The following DEPDC5 variants were observed in gnomAD, a reference collection of about 807,000 sequenced individuals.
DEPDC5 encodes the protein GATOR1 complex protein DEPDC5.
A neutral mutation model predicts 217.3 loss-of-function variants in DEPDC5; 73 were observed. That is an observed-to-expected ratio of 0.34 (90% CI 0.28 to 0.41). The LOEUF is 0.41. Among genes scored for constraint, DEPDC5 ranks in the 10% least tolerant of loss-of-function variants. The probability of loss-of-function intolerance (pLI) is 1.00; values close to 1 mark genes in which losing one functional copy is unlikely to be tolerated. For missense variants in DEPDC5, 1,675 were observed against 2,070.1 expected (o/e 0.81, Z 3.70); for synonymous variants, 733 against 756.7 (o/e 0.97, Z 0.51).
At position 31,754,128 on chromosome 22, in the gene DEPDC5, G is replaced by T. The variant is rs377211255; in HGVS notation, c.-97G>T. 1.8e-4 allele frequency: 28 copies of T among 152,856 alleles called. No homozygotes were observed. The East Asian group carries it at 4.6e-3, about 25-fold the overall frequency. 9.5% of individuals were successfully genotyped at this position (152,856 alleles called of 1,614,324 possible). The stretch of plus-strand genomic sequence containing the variant: ...ACCTGGAGAGGGTCCAGCCCTCAGT[G>T]CCCCGGCCAGAGGCGGGAAGGGGCT... On this transcript the variant is annotated 5_prime_UTR_variant, in exon 1 of 43. Coordinates refer to ENST00000651528, the MANE Select transcript of DEPDC5 (RefSeq NM_001242896.3).
At chr22:31,763,807 A>G (rs1186156077) in intron 4 of DEPDC5, among the ~76,000 whole-genome samples, 3 of 152,134 alleles carry the variant, frequency 2.0e-5, no homozygotes, top group Non-Finnish European at 4.4e-5. Flanking sequence ...TACTCTGGTT[A>G]CGCTGCCTAT....
chr22:31,853,952 G>A (rs1323505950), intron 31 of DEPDC5, among the ~76,000 whole-genome samples: 1 of 152,234 alleles, frequency 6.6e-6, no homozygotes, highest in Non-Finnish European at 1.5e-5. Flanking sequence ...GCCTGCAGAG[G>A]CACGTGAAGG....
intron 8 of DEPDC5, among the ~76,000 whole-genome samples, chr22:31,782,990 A>G (rs1366739491): frequency 6.6e-6 from 1 of 152,162 alleles, no homozygotes; most frequent in Middle Eastern, 3.2e-3. Context: ...TCAGGAGGCA[A>G]AGGTGGTGAG....
chr22:31,773,905 C>T (rs566801993), intron 7 of DEPDC5, among the ~76,000 whole-genome samples: 81 of 152,168 alleles, frequency 5.3e-4, no homozygotes, highest in South Asian at 1.5e-3. Context: ...AACCCTGTCT[C>T]TACTAAAAAT....
intron 39 of DEPDC5, chr22:31,893,987 TTC>T (rs1344181748): frequency 1.0e-5 from 4 of 390,400 alleles, no homozygotes; most frequent in Admixed American, 4.7e-5. Context: ...GGCCAGATAA[TTC>T]TCTGTGGGGG....
intron 7 of DEPDC5, among the ~76,000 whole-genome samples, chr22:31,776,854 C>A (rs2083913235): frequency 6.6e-6 from 1 of 151,984 alleles, no homozygotes; most frequent in Non-Finnish European, 1.5e-5. Flanking sequence ...GGATTACAGG[C>A]ATGAGCCACT....
chr22:31,875,617 A>G (rs1602633651), intron 36 of DEPDC5: 1 of 148,284 alleles, frequency 6.7e-6, no homozygotes, highest in South Asian at 2.1e-4. Flanking sequence ...GAATAGTGGC[A>G]TATGTGGATT....
At chr22:31,889,056 C>T (rs1308307963) in intron 38 of DEPDC5, among the ~76,000 whole-genome samples, 1 of 152,176 alleles carries the variant, frequency 6.6e-6, no homozygotes, top group Non-Finnish European at 1.5e-5. Flanking sequence ...GAGTATCACT[C>T]CCCTACCTGG....
chr22:31,804,179 G>A lies in DEPDC5; in HGVS notation c.1099G>A (p.Val367Met). The change falls in exon 16 of 43, where the codon GTG (valine) becomes ATG (methionine). Residue 367 changes from valine (V) to methionine (M), a missense_variant. Physicochemically the swap from Val to Met is conservative, Grantham distance 21. Around this residue, in one of 11 missense-constraint regions of DEPDC5, gnomAD observed 628 missense variants for 762.1 expected, o/e 0.82. Coordinates refer to ENST00000651528, the MANE Select transcript of DEPDC5 (RefSeq NM_001242896.3). ...MIDNGIGVDLVCMGEQPLHAV... is the reference protein window; with the variant it reads ...MIDNGIGVDLMCMGEQPLHAV... Reference sequence around the variant, plus strand: ...TTTTTTAGGAATTGGTGTGGATTTGGTGTGCATGGGAGAGCAACCGTTACA... The same window carrying A: ...TTTTTTAGGAATTGGTGTGGATTTGATGTGCATGGGAGAGCAACCGTTACA... 6.2e-7 allele frequency: 1 copy of A among 1,614,060 alleles called. No individual in the cohort carries two copies. Among genetic ancestry groups the A allele is most frequent in the Non-Finnish European group, 8.5e-7 (1 of 1,180,002 alleles).
At chr22:31,875,421 C>T (rs1264094699) in intron 36 of DEPDC5, 4 of 152,262 alleles carry the variant, frequency 2.6e-5, no homozygotes, top group African/African-American at 9.7e-5. Context: ...CTTAGAATCC[C>T]GAAAGAATAC....
intron 39 of DEPDC5, among the ~76,000 whole-genome samples, chr22:31,896,752 C>G (rs1207188051): frequency 2.6e-5 from 4 of 152,122 alleles, no homozygotes; most frequent in Non-Finnish European, 5.9e-5. Context: ...GGTCATTTCC[C>G]CTCCTCCATC....
chr22:31,795,390 G>C (rs1437278273), intron 12 of DEPDC5, among the ~76,000 whole-genome samples: 1 of 150,518 alleles, frequency 6.6e-6, no homozygotes, highest in Non-Finnish European at 1.5e-5. Context: ...TTTTTTACAT[G>C]TTTTATTGTT....
At chr22:31,876,056 C>T (rs1443283166) in intron 36 of DEPDC5, 101 bp from the exon 37 acceptor site, 2 of 961,120 alleles carry the variant, frequency 2.1e-6, no homozygotes, top group Non-Finnish European at 3.2e-6. Context: ...GTAGGGTCTC[C>T]TCAGTGCTCC....
chr22:31,804,254 G>A (rs763682653), intron 16 of DEPDC5, 31 bp downstream of exon 16: 8 of 1,607,834 alleles, frequency 5.0e-6, no homozygotes, highest in Admixed American at 1.7e-5. Flanking sequence ...TTTACTAAAG[G>A]CCAGTTGGAG....
Position 31,792,020 on chromosome 22 carries a change from T to C in DEPDC5, c.625-13T>C. On this transcript the variant is annotated splice_polypyrimidine_tract_variant and intron_variant, in intron 10 of 42. Transcript: ENST00000651528. Reference sequence around the variant, plus strand: ...AACAAACTTCAACCCTGTTGTTCTCTACTCATGCTTAGGAGAAGAACTGTA... The same window carrying C: ...AACAAACTTCAACCCTGTTGTTCTCCACTCATGCTTAGGAGAAGAACTGTA... 3.8e-6 allele frequency: 6 copies of C among 1,598,644 alleles called. No individual in the cohort carries two copies. In the South Asian group the frequency reaches 6.6e-5, roughly 18 times the overall value.
chr22:31,812,742 CTTT>C (rs569013035), intron 20 of DEPDC5, among the ~76,000 whole-genome samples: 5 of 116,910 alleles, frequency 4.3e-5, no homozygotes, highest in Admixed American at 1.7e-4. Context: ...AGATTTCTTT[CTTT>C]TTTTTTTTTT....
chr22:31,879,460 C>CCTTG, intron 37 of DEPDC5, 65 bp from the exon 38 acceptor site: 1 of 1,450,078 alleles, frequency 6.9e-7, no homozygotes, highest in Non-Finnish European at 9.5e-7. Flanking sequence ...CAAGTTGTAG[C>CCTTG]ATGCATCATG....
At chr22:31,891,716 G>A (rs931608325) in intron 38 of DEPDC5, among the ~76,000 whole-genome samples, 1 of 152,180 alleles carries the variant, frequency 6.6e-6, no homozygotes, top group Non-Finnish European at 1.5e-5. Context: ...GTGGATTATA[G>A]TTTATAGAAA....
chr22:31,871,939 G>C (rs896768356), intron 34 of DEPDC5, among the ~76,000 whole-genome samples: 1 of 152,212 alleles, frequency 6.6e-6, no homozygotes, highest in African/African-American at 2.4e-5. Flanking sequence ...GCCCAGACAC[G>C]TGGTCTCAGC....
Sources: gnomAD v4.1 joint callset for allele counts (sites outside exome capture counted in the v4.1 genomes callset) on GRCh38, gnomAD v4.1.1 for gene constraint, gnomAD v4.1.1 regional missense constraint, MANE v1.5 for transcripts, NCBI Gene and HGNC (gene_info 2026-07-23, HGNC 2026-07-21) for gene names.